Variants in HK2 observed in about 807,000 individuals in gnomAD.
The protein encoded by HK2 is hexokinase-2.
HK2 carries 42 observed loss-of-function variants against 92.9 expected under a neutral mutation model. That is an observed-to-expected ratio of 0.45 (90% CI 0.35 to 0.58). HK2 has a LOEUF of 0.58. HK2 is among the 20% of genes least tolerant of loss of function. The pLI is 0.00. For missense variants in HK2, 978 were observed against 1,245.1 expected (o/e 0.79, Z 3.23); for synonymous variants, 422 against 468.0 (o/e 0.90, Z 1.27).
chr2:74,854,373 G>T lies in HK2; in HGVS notation c.144G>T (p.Glu48Asp). ...EISKRFRKEM[E>D]KGLGATTHPT... ...CTAAGCGGTTCCGCAAGGAGATGGA[G>T]AAAGGGCTTGGAGCCACCACTCACC... is the stretch of plus-strand genomic sequence containing the variant. The change falls in exon 2 of 18, where the codon GAG (glutamate) becomes GAT (aspartate). Residue 48 changes from glutamate (E) to aspartate (D), a missense_variant. Physicochemically the swap from Glu to Asp is conservative, Grantham distance 45. This residue lies in a region of HK2 where 189 missense variants were observed against 289.5 expected (regional missense o/e 0.65). Coordinates refer to ENST00000290573, the MANE Select transcript of HK2 (RefSeq NM_000189.5). 6.2e-7 allele frequency: 1 copy of T among 1,614,132 alleles called. No homozygotes were observed. The highest frequency in any genetic ancestry group is 8.5e-7 in the Non-Finnish European group (1 of 1,180,044).
intron 2 of HK2, among the ~76,000 whole-genome samples, chr2:74,865,518 G>A (rs1056949508): frequency 1.3e-5 from 2 of 152,042 alleles, no homozygotes; most frequent in African/African-American, 4.8e-5. Flanking sequence ...CAGCCACCAC[G>A]TTGTGTTTCC....
At position 74,873,331 on chromosome 2, in the gene HK2, A is replaced by G. The variant is rs1327166693; in HGVS notation, c.551A>G (p.Asp184Gly). 6.2e-7 allele frequency: 1 copy of G among 1,613,974 alleles called. No homozygotes were observed. The highest frequency in any genetic ancestry group is 1.7e-5 in the Admixed American group (1 of 60,018). ...GFKSSGVEGR[D>G]VVALIRKAIQ... The stretch of plus-strand genomic sequence containing the variant: ...AAGTCCAGTGGAGTGGAAGGCAGAG[A>G]CGTTGTGGCTCTGATCCGGAAGGCC... Residue 184 changes from aspartate (D) to glycine (G), a missense_variant, in exon 5 of 18, where the codon GAC becomes GGC. Physicochemically the swap from Asp to Gly is moderately conservative, Grantham distance 94. This residue lies in a region of HK2 where 189 missense variants were observed against 289.5 expected (regional missense o/e 0.65). Transcript: ENST00000290573.
At position 74,834,689 on chromosome 2, in the gene HK2, G is replaced by C. The variant is rs202011103; in HGVS notation, c.63+46G>C. 70 of 1,591,018 alleles carry C rather than the reference G, an allele frequency of 4.4e-5. No individual in the cohort carries two copies. In the African/African-American group the frequency reaches 8.1e-4, roughly 18 times the overall value. On this transcript the variant is annotated intron_variant, in intron 1 of 17. Transcript: ENST00000290573. The surrounding 1 kb of genome is among the most constrained non-coding windows in gnomAD (Gnocchi z 4.2). ...CGGCAGGCTGGGCTCTGGCAAAGTG[G>C]TCTGGCCTCCATCAGTCTCTTCCTC...
chr2:74,883,041 C>T (rs1169944099), intron 12 of HK2, among the ~76,000 whole-genome samples: 2 of 152,058 alleles, frequency 1.3e-5, no homozygotes, highest in Non-Finnish European at 2.9e-5. Context: ...ATGAGTGCCC[C>T]GAGAAGTGGA....
chr2:74,860,938 GTTAA>G (rs1023490025), intron 2 of HK2, among the ~76,000 whole-genome samples: 68 of 152,224 alleles, frequency 4.5e-4, no homozygotes, highest in African/African-American at 1.5e-3. Flanking sequence ...TCAGTGGAGA[GTTAA>G]TTAAAGAAAG....
rs1311539628 is a variant in HK2 at position 74,892,956 on chromosome 2, A to G, written c.*2015A>G. 1 of 152,136 alleles carries G rather than the reference A, an allele frequency of 6.6e-6. No individual in the cohort carries two copies. The highest frequency in any genetic ancestry group is 2.4e-5 in the African/African-American group (1 of 41,424). 9.4% of individuals were successfully genotyped at this position (152,136 alleles called of 1,614,324 possible). On this transcript the variant is annotated 3_prime_UTR_variant, in exon 18 of 18. Transcript: ENST00000290573. ...TTTCATGTAGATTTTAGTTCACTAA[A>G]GGGTGCCCACAAAATAGAGATTAAT...
rs750426821 is a variant in HK2, at chr2:74,891,905, T to G, written c.*964T>G. 1.3e-5 allele frequency: 2 copies of G among 152,656 alleles called. No individual in the cohort carries two copies. Among genetic ancestry groups the G allele is most frequent in the African/African-American group, 2.4e-5 (1 of 41,456 alleles). The allele number at this position is 152,656 out of a possible 1,614,324, so 9.5% of individuals were successfully genotyped here. A position where few individuals can be genotyped will look rare whatever the true frequency, so the allele number is the denominator to read the frequency against. On this transcript the variant is annotated 3_prime_UTR_variant, in exon 18 of 18. Transcript: ENST00000290573. ...AAGGGCAGAAGGGGAAGATACTGAC[T>G]AGTCATAGAAATACCTCATTCGCCT...
chr2:74,872,033 T>C (rs1335080921), intron 3 of HK2, among the ~76,000 whole-genome samples: 2 of 152,212 alleles, frequency 1.3e-5, no homozygotes, highest in Non-Finnish European at 2.9e-5. Context: ...GACAGCAGTT[T>C]AGAAAAATGG....
At chr2:74,846,195 CTT>C (rs1187119697) in intron 1 of HK2, among the ~76,000 whole-genome samples, 2 of 152,188 alleles carry the variant, frequency 1.3e-5, no homozygotes, top group Non-Finnish European at 2.9e-5. Flanking sequence ...CACTGGAAGT[CTT>C]TGTGTGGCCA....
chr2:74,838,048 T>G (rs1688210349), intron 1 of HK2, among the ~76,000 whole-genome samples: 1 of 152,184 alleles, frequency 6.6e-6, no homozygotes, highest in South Asian at 2.1e-4. Flanking sequence ...CAAATGCAGT[T>G]TACTGTCTTA....
intron 1 of HK2, among the ~76,000 whole-genome samples, chr2:74,843,969 T>C (rs1276333535): frequency 6.6e-6 from 1 of 152,160 alleles, no homozygotes. Flanking sequence ...CCTGTTATTA[T>C]CTATTATTCA....
intron 1 of HK2, among the ~76,000 whole-genome samples, chr2:74,852,888 G>A (rs1420083079): frequency 6.6e-6 from 1 of 152,182 alleles, no homozygotes; most frequent in Admixed American, 6.5e-5. Flanking sequence ...CACCGTGCCA[G>A]CCTCCAGGTA....
intron 1 of HK2, among the ~76,000 whole-genome samples, chr2:74,835,495 C>T (rs1247628612): frequency 6.6e-6 from 1 of 152,224 alleles, no homozygotes; most frequent in African/African-American, 2.4e-5. Context: ...TCTGTTCCCA[C>T]CTGGCTCCGC....
At chr2:74,868,807 A>G (rs981384612) in intron 3 of HK2, among the ~76,000 whole-genome samples, 12 of 152,210 alleles carry the variant, frequency 7.9e-5, no homozygotes, top group Admixed American at 7.2e-4. Context: ...ATTATGTAAA[A>G]GACTTGTAAC....
intron 1 of HK2, chr2:74,835,222 CCCCGGAACTGTGGCG>C (rs1404076437): frequency 5.8e-6 from 1 of 172,512 alleles, no homozygotes; most frequent in Non-Finnish European, 1.2e-5. Context: ...CGCGCCCCCT[CCCCGGAACTGTGGCG>C]CCCGGAACTG....
rs768253332 is a variant in HK2, at chr2:74,889,387, G to A, written c.2518G>A (p.Ala840Thr). 20 of 1,614,062 alleles carry A rather than the reference G, an allele frequency of 1.2e-5. No individual in the cohort carries two copies. The highest frequency in any genetic ancestry group is 2.2e-5 in the South Asian group (2 of 91,076). ...CCAGCTCTGTGGCGCAGGCATGGCC[G>A]CTGTGGTGGACAGGATACGAGAAAA... is the stretch of plus-strand genomic sequence containing the variant. Reference protein sequence around the residue: ...AAQLCGAGMAAVVDRIRENRG... With the variant: ...AAQLCGAGMATVVDRIRENRG... The change falls in exon 17 of 18, where the codon GCT becomes ACT. Residue 840 changes from alanine (A) to threonine (T), a missense_variant. Coordinates refer to ENST00000290573, the MANE Select transcript of HK2 (RefSeq NM_000189.5).
rs777481912 is a variant in HK2 at position 74,854,461 on chromosome 2, G to A, written c.226+6G>A. 4.3e-6 allele frequency: 7 copies of A among 1,613,910 alleles called. No homozygotes were observed. The highest frequency in any genetic ancestry group is 5.9e-6 in the Non-Finnish European group (7 of 1,179,894). On this transcript the variant is annotated splice_donor_region_variant and intron_variant, in intron 2 of 17. Transcript: ENST00000290573. ...GTCCACTCCAGATGGGACAGGTACT[G>A]CATCTGGGGGATGGCTCTAGCTGCT...
Position 74,874,366 on chromosome 2 carries a change from C to T in HK2, c.792C>T (p.Phe264=), listed in dbSNP as rs375240379. 23 of 1,613,838 alleles carry T rather than the reference C, an allele frequency of 1.4e-5. No individual in the cohort carries two copies. The highest frequency in any genetic ancestry group is 5.0e-5 in the Admixed American group (3 of 59,968). ...RMCINMEWGA[F]GDDGSLNDIR... is the part of the protein sequence containing the mutation. Reference sequence around the variant, plus strand: ...GTATCAATATGGAGTGGGGGGCCTTCGGGGACGATGGCTCGCTCAACGACA... The same window carrying T: ...GTATCAATATGGAGTGGGGGGCCTTTGGGGACGATGGCTCGCTCAACGACA... The change falls in exon 7 of 18, where the codon TTC becomes TTT. Residue 264 remains phenylalanine (F), a synonymous_variant. Transcript: ENST00000290573.
chr2:74,837,672 C>CTTTTTTTTTTTTTT (rs894014535), intron 1 of HK2, among the ~76,000 whole-genome samples: 3 of 104,134 alleles, frequency 2.9e-5, no homozygotes, highest in Non-Finnish European at 5.7e-5. Context: ...TTGCCCTTGT[C>CTTTTTTTTTTTTTT]TTTTTTTTTT....
Sources: allele counts gnomAD v4.1 joint callset (sites outside exome capture counted in the v4.1 genomes callset), GRCh38; gene constraint gnomAD v4.1.1; regional missense constraint gnomAD v4.1.1; non-coding constraint Gnocchi (gnomAD v3.1); transcripts MANE v1.5; gene names NCBI Gene and HGNC (gene_info 2026-07-23, HGNC 2026-07-21).